The following AMPH variants were observed in gnomAD, a reference collection of about 807,000 sequenced individuals.
AMPH encodes amphiphysin (Stiff-Mann syndrome with breast cancer 128kD autoantigen).
In AMPH, 49 loss-of-function variants were observed where a neutral mutation model predicts 99.1. The ratio of observed to expected loss-of-function variants is 0.49; its 90% CI spans 0.39 to 0.63. AMPH has a LOEUF of 0.63. Among genes scored for constraint, AMPH ranks in the 20% least tolerant of loss-of-function variants. The pLI is 0.00. For missense variants in AMPH, 759 were observed against 863.4 expected (o/e 0.88, Z 1.52); for synonymous variants, 314 against 317.3 (o/e 0.99, Z 0.11).
intron 1 of AMPH, among the ~76,000 whole-genome samples, chr7:38,631,082 G>C (rs1794443948): frequency 6.6e-6 from 1 of 152,130 alleles, no homozygotes; most frequent in South Asian, 2.1e-4. Flanking sequence ...GCGTCCTCCC[G>C]ACCCGCTCCC....
rs142796283 is a variant in AMPH at position 38,621,224 on chromosome 7, T to C, written c.69+10059A>G. ...GTGTTCAAATCCTCTGACTCTAGAT[T>C]AGTTCCCTAGTTACAAACTGAACTG... On this transcript the variant is annotated intron_variant, in intron 1 of 20. Transcript: ENST00000356264. Among the ~76,000 whole-genome samples, 970 of 152,334 alleles carry C rather than the reference T, an allele frequency of 6.4e-3. 10 individuals are homozygous for C. Among genetic ancestry groups the C allele is most frequent in the African/African-American group, 0.022 (920 of 41,562 alleles).
chr7:38,388,233 C>T (rs1205803484), intron 20 of AMPH, among the ~76,000 whole-genome samples: 1 of 151,874 alleles, frequency 6.6e-6, no homozygotes, highest in African/African-American at 2.4e-5. Context: ...CCTTTTATTT[C>T]TTTACAAAAT....
At chr7:38,466,561 G>C (rs1198378283) in intron 7 of AMPH, among the ~76,000 whole-genome samples, 2 of 151,744 alleles carry the variant, frequency 1.3e-5, no homozygotes, top group Non-Finnish European at 2.9e-5. Flanking sequence ...GTCTGAACAT[G>C]AAGACTGAGA....
intron 7 of AMPH, among the ~76,000 whole-genome samples, chr7:38,473,811 T>A (rs1562778461): frequency 6.9e-6 from 1 of 145,694 alleles, no homozygotes; most frequent in Non-Finnish European, 1.5e-5. Context: ...AGCCATAGCA[T>A]CATATAATTT....
At chr7:38,580,224 A>G (rs1360848085) in intron 1 of AMPH, among the ~76,000 whole-genome samples, 1 of 152,174 alleles carries the variant, frequency 6.6e-6, no homozygotes, top group Non-Finnish European at 1.5e-5. Flanking sequence ...AAATTAACAA[A>G]TATAAATAGT....
intron 1 of AMPH, among the ~76,000 whole-genome samples, chr7:38,552,505 G>A (rs530702754): frequency 6.6e-6 from 1 of 152,194 alleles, no homozygotes; most frequent in Non-Finnish European, 1.5e-5. Flanking sequence ...ATTTTACCAA[G>A]TGCAAGCTCT....
chr7:38,412,589 T>C (rs557575375), intron 17 of AMPH, among the ~76,000 whole-genome samples: 2 of 152,248 alleles, frequency 1.3e-5, no homozygotes, highest in South Asian at 4.2e-4. Flanking sequence ...CTCTGTGAGG[T>C]TGGGGGAACT....
intron 7 of AMPH, among the ~76,000 whole-genome samples, chr7:38,468,624 A>G (rs996143232): frequency 6.6e-6 from 1 of 152,226 alleles, no homozygotes; most frequent in African/African-American, 2.4e-5. Context: ...CATTTTTGAT[A>G]CAACTGATAG....
intron 1 of AMPH, among the ~76,000 whole-genome samples, chr7:38,554,772 A>T (rs1190374678): frequency 6.6e-6 from 1 of 152,222 alleles, no homozygotes; most frequent in Admixed American, 6.5e-5. Context: ...GGGAGGCTTT[A>T]GCCCAGAGGG....
In AMPH at chr7:38,407,072, A is replaced by G. The variant is rs1156841118; in HGVS notation, c.1398+10753T>C. Among the ~76,000 whole-genome samples the G allele has an allele frequency of 1.3e-3, 42 of 32,148 alleles. 1 individual carries two copies. The highest frequency in any genetic ancestry group is 6.5e-3 in the South Asian group (4 of 618). 21.1% of individuals were successfully genotyped at this position (32,148 alleles called of 152,430 possible). On this transcript the variant is annotated intron_variant, in intron 17 of 20. Transcript: ENST00000356264. ...TCTATATATATATATATATATATAT[A>G]TATATGTGTGTGTGTGTGTGTGTGT...
intron 5 of AMPH, among the ~76,000 whole-genome samples, chr7:38,479,897 GC>G: frequency 6.6e-6 from 1 of 151,948 alleles, no homozygotes; most frequent in East Asian, 1.9e-4. Flanking sequence ...TGACTCCTGA[GC>G]CCTACACTAA....
At chr7:38,481,082 C>A (rs1788265671) in intron 5 of AMPH, among the ~76,000 whole-genome samples, 1 of 152,120 alleles carries the variant, frequency 6.6e-6, no homozygotes, top group Non-Finnish European at 1.5e-5. Flanking sequence ...ACAAGGATAG[C>A]TTACCATGGT....
chr7:38,574,488 T>C (rs1428253326), intron 1 of AMPH, among the ~76,000 whole-genome samples: 2 of 152,216 alleles, frequency 1.3e-5, no homozygotes, highest in African/African-American at 4.8e-5. Flanking sequence ...TTTCCTCTAA[T>C]TACAAGATTT....
At chr7:38,492,296 C>A (rs1041639082) in intron 4 of AMPH, among the ~76,000 whole-genome samples, 2 of 152,148 alleles carry the variant, frequency 1.3e-5, no homozygotes, top group Non-Finnish European at 2.9e-5. Context: ...ACTTCATCCT[C>A]CTTGCTAACT....
At chr7:38,435,442 A>C (rs1052641069) in intron 12 of AMPH, among the ~76,000 whole-genome samples, 6 of 152,226 alleles carry the variant, frequency 3.9e-5, no homozygotes, top group Non-Finnish European at 8.8e-5. Context: ...AATTCATTTG[A>C]AGCATACTCT....
chr7:38,596,093 G>A (rs118020367), intron 1 of AMPH, among the ~76,000 whole-genome samples: 2,164 of 152,250 alleles, frequency 0.014, 20 homozygotes, highest in Admixed American at 0.025. Context: ...TAAGATTGCT[G>A]GGTCAAATAG....
intron 2 of AMPH, among the ~76,000 whole-genome samples, chr7:38,526,049 C>T (rs565394474): frequency 3.0e-4 from 45 of 152,250 alleles, no homozygotes; most frequent in African/African-American, 1.1e-3. Flanking sequence ...GGCTATGAAT[C>T]ATTTCACACA....
chr7:38,485,785 C>T (rs1441279765), intron 5 of AMPH, among the ~76,000 whole-genome samples: 1 of 151,736 alleles, frequency 6.6e-6, no homozygotes, highest in African/African-American at 2.4e-5. Flanking sequence ...CTTTTCCAAC[C>T]ACAATAAAAT....
At chr7:38,470,456 T>C (rs894318213) in intron 7 of AMPH, among the ~76,000 whole-genome samples, 5 of 152,140 alleles carry the variant, frequency 3.3e-5, no homozygotes, top group Non-Finnish European at 7.3e-5. Flanking sequence ...TTGTAAATGA[T>C]AGTCCTGGCA....
Sources: gnomAD v4.1 joint callset for allele counts (sites outside exome capture counted in the v4.1 genomes callset) on GRCh38, gnomAD v4.1.1 for gene constraint, MANE v1.5 for transcripts, NCBI Gene and HGNC (gene_info 2026-07-23, HGNC 2026-07-21) for gene names.